The following KCNH7 variants were observed in gnomAD, a reference collection of about 807,000 sequenced individuals.
KCNH7 encodes the protein potassium voltage-gated channel subfamily H member 7.
In KCNH7, 49 loss-of-function variants were observed where a neutral mutation model predicts 120.8. That is an observed-to-expected ratio of 0.41 (90% CI 0.32 to 0.51). The LOEUF (loss-of-function observed/expected upper bound fraction) is 0.51. Ranked by LOEUF, KCNH7 falls within the 20% of genes least tolerant of loss-of-function variation. KCNH7 has a pLI of 0.38. For synonymous variants in KCNH7, 547 were observed against 516.1 expected (o/e 1.06, Z -0.81); for missense variants, 1,097 against 1,446.6 (o/e 0.76, Z 3.92).
At chr2:162,795,264 A>C (rs1684100781) in intron 2 of KCNH7, 1 of 152,084 alleles carries the variant, frequency 6.6e-6, no homozygotes, top group Non-Finnish European at 1.5e-5. Context: ...AATTGGAATA[A>C]AATTGTTGAA....
intron 2 of KCNH7, among the ~76,000 whole-genome samples, chr2:162,781,541 T>C (rs907278753): frequency 6.6e-6 from 1 of 151,904 alleles, no homozygotes; most frequent in Non-Finnish European, 1.5e-5. Flanking sequence ...AGGTAAAAAT[T>C]AGATTGAAAG....
chr2:162,548,860 C>T (rs1692569871), intron 2 of KCNH7, among the ~76,000 whole-genome samples: 1 of 152,072 alleles, frequency 6.6e-6, no homozygotes, highest in Non-Finnish European at 1.5e-5. Flanking sequence ...TAAAACATTG[C>T]CTTGTATACT....
chr2:162,483,977 G>A (rs1304508943), intron 6 of KCNH7, among the ~76,000 whole-genome samples: 1 of 152,116 alleles, frequency 6.6e-6, no homozygotes. Context: ...AAATGGAAGT[G>A]CCAAGTGGAA....
chr2:162,668,935 A>T (rs541793851), intron 2 of KCNH7, among the ~76,000 whole-genome samples: 2 of 152,184 alleles, frequency 1.3e-5, no homozygotes, highest in African/African-American at 2.4e-5. Flanking sequence ...GAAATTAAAA[A>T]CTTAATAGAT....
At chr2:162,799,528 A>C (rs1044454750) in intron 2 of KCNH7, among the ~76,000 whole-genome samples, 1 of 151,996 alleles carries the variant, frequency 6.6e-6, no homozygotes, top group Non-Finnish European at 1.5e-5. Flanking sequence ...CATGATCATT[A>C]TAAATATTTA....
chr2:162,573,274 G>A (rs1482124722), intron 2 of KCNH7, among the ~76,000 whole-genome samples: 1 of 152,040 alleles, frequency 6.6e-6, no homozygotes, highest in Non-Finnish European at 1.5e-5. Flanking sequence ...CCATGACTGA[G>A]TGTGAGAACA....
chr2:162,675,634 T>C (rs1374482976), intron 2 of KCNH7, among the ~76,000 whole-genome samples: 1 of 151,432 alleles, frequency 6.6e-6, no homozygotes, highest in Non-Finnish European at 1.5e-5. Flanking sequence ...TAAGATGCAA[T>C]ATATTACCAC....
chr2:162,669,600 C>T (rs553412682), intron 2 of KCNH7, among the ~76,000 whole-genome samples: 1 of 152,238 alleles, frequency 6.6e-6, no homozygotes, highest in East Asian at 1.9e-4. Flanking sequence ...TTTTGGTACC[C>T]ATATTTGCAC....
chr2:162,563,789 C>A (rs1332140299), intron 2 of KCNH7, among the ~76,000 whole-genome samples: 2 of 152,064 alleles, frequency 1.3e-5, no homozygotes, highest in Non-Finnish European at 2.9e-5. Flanking sequence ...GTATAGACAG[C>A]ATCTAAATCT....
rs192103107 is a variant in KCNH7 at position 162,702,031 on chromosome 2, T to G, written c.307+134506A>C. Reference sequence around the variant, plus strand: ...CAAAAAAAAAAAAGAAAAAAAACTTTCTATGTTGGTGCTCAGGTGCTCATC... The same window carrying G: ...CAAAAAAAAAAAAGAAAAAAAACTTGCTATGTTGGTGCTCAGGTGCTCATC... On this transcript the variant is annotated intron_variant, in intron 2 of 15. Coordinates refer to ENST00000332142, the MANE Select transcript of KCNH7 (RefSeq NM_033272.4). Among the ~76,000 whole-genome samples the G allele has an allele frequency of 1.9e-3, 286 of 151,934 alleles. 2 individuals carry two copies. Among genetic ancestry groups the G allele is most frequent in the African/African-American group, 6.6e-3 (275 of 41,460 alleles).
chr2:162,523,216 T>G (rs1193105853), intron 3 of KCNH7, among the ~76,000 whole-genome samples: 1 of 151,822 alleles, frequency 6.6e-6, no homozygotes, highest in Non-Finnish European at 1.5e-5. Flanking sequence ...CTGATTTCTC[T>G]TTGAAATAAA....
chr2:162,405,435 A>G (rs1687182760), intron 9 of KCNH7, among the ~76,000 whole-genome samples: 1 of 152,008 alleles, frequency 6.6e-6, no homozygotes, highest in African/African-American at 2.4e-5. Flanking sequence ...GATATCACAC[A>G]AAACAAAGAG....
intron 2 of KCNH7, among the ~76,000 whole-genome samples, chr2:162,742,722 A>T (rs1688179400): frequency 6.6e-6 from 1 of 152,200 alleles, no homozygotes; most frequent in African/African-American, 2.4e-5. Flanking sequence ...GAAGAGAAGA[A>T]GGAAGAGAGC....
intron 2 of KCNH7, among the ~76,000 whole-genome samples, chr2:162,790,027 T>A (rs949428120): frequency 6.6e-6 from 1 of 150,896 alleles, no homozygotes; most frequent in African/African-American, 2.4e-5. Flanking sequence ...TAGAGAACAA[T>A]AGATAAGATC....
chr2:162,665,435 TA>T (rs375058179), intron 2 of KCNH7, among the ~76,000 whole-genome samples: 2 of 152,108 alleles, frequency 1.3e-5, no homozygotes, highest in African/African-American at 4.8e-5. Context: ...CACAAGATTT[TA>T]AATATAGCTC....
intron 2 of KCNH7, among the ~76,000 whole-genome samples, chr2:162,725,429 C>A (rs961927377): frequency 2.0e-5 from 3 of 152,036 alleles, no homozygotes; most frequent in African/African-American, 7.2e-5. Flanking sequence ...AACCAAAAAT[C>A]TTTAATCATA....
intron 3 of KCNH7, among the ~76,000 whole-genome samples, chr2:162,530,497 TACAA>T (rs528663300): frequency 5.3e-5 from 8 of 151,346 alleles, no homozygotes; most frequent in Admixed American, 2.6e-4. Flanking sequence ...CACACACAAT[TACAA>T]ACACTTTAGT....
chr2:162,706,767 G>A (rs1028839625), intron 2 of KCNH7, among the ~76,000 whole-genome samples: 1 of 152,104 alleles, frequency 6.6e-6, no homozygotes, highest in African/African-American at 2.4e-5. Context: ...GGAGGGAAGA[G>A]GCTTGGCATA....
chr2:162,643,526 C>A (rs1559060279), intron 2 of KCNH7, among the ~76,000 whole-genome samples: 2 of 151,602 alleles, frequency 1.3e-5, no homozygotes, highest in African/African-American at 4.8e-5. Flanking sequence ...AAATGATTAA[C>A]CGCCGGGCGA....
Sources: gnomAD v4.1 joint callset for allele counts (sites outside exome capture counted in the v4.1 genomes callset) on GRCh38, gnomAD v4.1.1 for gene constraint, MANE v1.5 for transcripts, NCBI Gene and HGNC (gene_info 2026-07-23, HGNC 2026-07-21) for gene names.